The following DNAH2 variants were observed in gnomAD, a reference collection of about 807,000 sequenced individuals.
DNAH2 encodes dynein axonemal heavy chain 2.
In DNAH2, 323 loss-of-function variants were observed where a neutral mutation model predicts 523.5. The ratio of observed to expected loss-of-function variants is 0.62; its 90% CI spans 0.56 to 0.68. The LOEUF is 0.68. Ranked by LOEUF, DNAH2 falls within the 30% of genes least tolerant of loss-of-function variation. The pLI is 0.00. For synonymous variants in DNAH2, 2,093 were observed against 2,177.4 expected, an observed-to-expected ratio of 0.96 and a Z score of 1.08; for missense variants, 4,907 against 5,701.5, an observed-to-expected ratio of 0.86 and a Z score of 4.49.
intron 21 of DNAH2, 70 bp from the exon 22 acceptor site, chr17:7,766,248 G>A: frequency 6.5e-7 from 1 of 1,546,398 alleles, no homozygotes; most frequent in Non-Finnish European, 8.8e-7. Context: ...CCCACAAAGA[G>A]ATAGGAGAGC....
chr17:7,809,786 C>T (rs2077460634), intron 63 of DNAH2, among the ~76,000 whole-genome samples: 1 of 151,482 alleles, frequency 6.6e-6, no homozygotes, highest in Non-Finnish European at 1.5e-5. Context: ...AGGGAACAAA[C>T]ATTTCTCCTT....
At position 7,824,246 on chromosome 17, in the gene DNAH2, C is replaced by A; in HGVS notation, c.11604C>A (p.Ser3868=). 1 of 1,590,816 alleles carries A rather than the reference C, an allele frequency of 6.3e-7. No individual in the cohort carries two copies. Among genetic ancestry groups the A allele is most frequent in the South Asian group, 1.1e-5 (1 of 88,802 alleles). ...MGMAQRFHAL[S]LGQGQAPIAA... The stretch of plus-strand genomic sequence containing the variant: ...TGGCCCAGCGCTTCCACGCCCTGTC[C>A]CTGGGCCAGGGCCAGGCCCCCATCG... The change falls in exon 76 of 86, where the codon TCC becomes TCA. Residue 3868 remains serine, a synonymous_variant. Transcript: ENST00000572933.
chr17:7,732,839 G>A (rs1328403319), intron 4 of DNAH2, among the ~76,000 whole-genome samples: 2 of 152,128 alleles, frequency 1.3e-5, no homozygotes, highest in Non-Finnish European at 2.9e-5. Flanking sequence ...CAGTGTACTA[G>A]GTTCTGGAGC....
rs1395818384 is a variant in DNAH2 at position 7,823,339 on chromosome 17, G to A, written c.11143-103G>A. The stretch of plus-strand genomic sequence containing the variant: ...CATTTGGTTTTCCCACCGAGAGAGA[G>A]AAAAATACAGAGAGAGAGAGAGAGA... On this transcript the variant is annotated intron_variant, in intron 73 of 85. Coordinates refer to ENST00000572933, the MANE Select transcript of DNAH2 (RefSeq NM_020877.5). 10 of 1,083,620 alleles carry A rather than the reference G, an allele frequency of 9.2e-6. No homozygotes were observed. In the South Asian group the frequency reaches 1.0e-4, roughly 11 times the overall value. The allele number at this position is 1,083,620 out of a possible 1,614,324, so 67.1% of individuals were successfully genotyped here. A position where few individuals can be genotyped will look rare whatever the true frequency, so the allele number is the denominator to read the frequency against.
chr17:7,737,902 G>T (rs954661049), intron 8 of DNAH2: 13 of 693,412 alleles, frequency 1.9e-5, no homozygotes, highest in Non-Finnish European at 3.4e-5. Flanking sequence ...GCAGGGGGAT[G>T]CAGAGAAGGA....
chr17:7,723,128 T>C (rs1442885350), intron 2 of DNAH2, among the ~76,000 whole-genome samples: 3 of 148,898 alleles, frequency 2.0e-5, no homozygotes. Context: ...CACCAGCACA[T>C]CTGGCTAATT....
chr17:7,738,362 G>A (rs2075203242), intron 8 of DNAH2, among the ~76,000 whole-genome samples: 1 of 151,578 alleles, frequency 6.6e-6, no homozygotes, highest in Admixed American at 6.6e-5. Flanking sequence ...CAGAGTCTTG[G>A]TCTGCCACCC....
At chr17:7,732,465 A>T (rs1325528541) in intron 4 of DNAH2, among the ~76,000 whole-genome samples, 1 of 151,528 alleles carries the variant, frequency 6.6e-6, no homozygotes, top group Non-Finnish European at 1.5e-5. Context: ...AAAATTGCCA[A>T]GACTAGTCAA....
rs193197616 is a variant in DNAH2, at chr17:7,799,523, C to G, written c.8699+281C>G. Among the ~76,000 whole-genome samples, 689 of 152,088 alleles carry G rather than the reference C, an allele frequency of 4.5e-3. 1 individual carries two copies. The highest frequency in any genetic ancestry group is 9.3e-3 in the Admixed American group (142 of 15,270). ...TTGTAAATCTAATTGTGGTTAAAAACACACACACACAGGCCGGGCATAGTG... is the reference window on the plus strand; with the variant it reads ...TTGTAAATCTAATTGTGGTTAAAAAGACACACACACAGGCCGGGCATAGTG... On this transcript the variant is annotated intron_variant, in intron 56 of 85. Transcript: ENST00000572933.
At chr17:7,819,597 G>A (rs1186859509) in intron 72 of DNAH2, among the ~76,000 whole-genome samples, 189 bp downstream of exon 72, 1 of 152,220 alleles carries the variant, frequency 6.6e-6, no homozygotes, top group Non-Finnish European at 1.5e-5. Flanking sequence ...CCTGTCTTGT[G>A]TCTGTAGCCC....
At chr17:7,799,011 G>T (rs1567719656) in intron 55 of DNAH2, 92 bp from the exon 56 acceptor site, 2 of 1,524,870 alleles carry the variant, frequency 1.3e-6, no homozygotes, top group East Asian at 4.7e-5. Flanking sequence ...GTCCAGCCTG[G>T]GAAACACTTC....
intron 12 of DNAH2, among the ~76,000 whole-genome samples, chr17:7,751,695 G>A (rs2075687576): frequency 6.6e-6 from 1 of 152,028 alleles, no homozygotes; most frequent in Admixed American, 6.6e-5. Flanking sequence ...CTATTCATGT[G>A]CAGGAACCAA....
At chr17:7,792,184 G>A (rs1004430084) in intron 45 of DNAH2, 68 bp from the exon 46 acceptor site, 95 of 1,602,018 alleles carry the variant, frequency 5.9e-5, no homozygotes, top group Admixed American at 1.2e-4. Context: ...GGTGGTCTGG[G>A]GCCCGTTCTC....
At position 7,819,004 on chromosome 17, in the gene DNAH2, G is replaced by A. The variant is rs757925973; in HGVS notation, c.10756G>A (p.Val3586Met). Residue 3586 changes from valine to methionine, a missense_variant, in exon 71 of 86, where the codon GTG (valine) becomes ATG (methionine). By Grantham distance (21) the Val-to-Met change is conservative. This residue lies in a region of DNAH2 where 1,851 missense variants were observed against 2,139.4 expected (regional missense o/e 0.87). Transcript: ENST00000572933. ...LHTSKITATEVTEQLETSETT... is the reference protein window; with the variant it reads ...LHTSKITATEMTEQLETSETT... ...TACCTCCAAGATCACAGCCACAGAG[G>A]TGACTGAGCAGCTGGAGACCAGTGA... The A allele has an allele frequency of 2.5e-6, 4 of 1,610,808 alleles. No homozygotes were observed. The highest frequency in any genetic ancestry group is 3.4e-6 in the Non-Finnish European group (4 of 1,179,954).
intron 63 of DNAH2, among the ~76,000 whole-genome samples, chr17:7,811,596 T>C (rs1389712238): frequency 2.0e-5 from 3 of 152,222 alleles, no homozygotes; most frequent in Non-Finnish European, 4.4e-5. Flanking sequence ...GTACATTCAA[T>C]GTCTGGTAGG....
At position 7,797,863 on chromosome 17, in the gene DNAH2, C is replaced by G. The variant is rs1324468961; in HGVS notation, c.8230+34C>G. 3 of 1,583,796 alleles carry G rather than the reference C, an allele frequency of 1.9e-6. No homozygotes were observed. The East Asian group carries it at 6.7e-5, about 35-fold the overall frequency. On this transcript the variant is annotated intron_variant, in intron 53 of 85. Coordinates refer to ENST00000572933, the MANE Select transcript of DNAH2 (RefSeq NM_020877.5). ...CTGCCACGCCTATCCCCTTCCCCAT[C>G]ATCTCAGTGATGGGGTATGTCTAAG...
chr17:7,817,420 G>T lies in DNAH2; in HGVS notation c.10020+5G>T. ...AACCAAATCTGGATCGGGAAGGTGA[G>T]ATGGGACTCAGGCATGACAAGTAGG... On this transcript the variant is annotated splice_donor_5th_base_variant and intron_variant, in intron 65 of 85. Coordinates refer to ENST00000572933, the MANE Select transcript of DNAH2 (RefSeq NM_020877.5). 1 of 1,613,980 alleles carries T rather than the reference G, an allele frequency of 6.2e-7. No individual in the cohort carries two copies. The highest frequency in any genetic ancestry group is 8.5e-7 in the Non-Finnish European group (1 of 1,180,016).
intron 63 of DNAH2, among the ~76,000 whole-genome samples, chr17:7,812,867 C>T (rs976072285): frequency 6.1e-5 from 9 of 147,874 alleles, no homozygotes; most frequent in South Asian, 2.1e-4. Flanking sequence ...CACTTGAACC[C>T]GGGAGGCGGG....
In DNAH2 at chr17:7,740,071, G is replaced by GT. The variant is rs569172351; in HGVS notation, c.1376+133_1376+134insT. On this transcript the variant is annotated intron_variant, in intron 9 of 85. Transcript: ENST00000572933. The stretch of plus-strand genomic sequence containing the variant: ...TCGGGATCAGGGCGGTGGCCCGGGG[G>GT]GGGGGACAGGAGAGAGTGCAGGGGA... 59 of 694,380 alleles carry GT rather than the reference G, an allele frequency of 8.5e-5. 3 individuals are homozygous for GT. Among genetic ancestry groups the GT allele is most frequent in the East Asian group, 4.6e-4 (9 of 19,712 alleles). The allele number at this position is 694,380 out of a possible 1,614,324, so 43.0% of individuals were successfully genotyped here.
Sources: allele counts gnomAD v4.1 joint callset (sites outside exome capture counted in the v4.1 genomes callset), GRCh38; gene constraint gnomAD v4.1.1; regional missense constraint gnomAD v4.1.1; transcripts MANE v1.5; gene names NCBI Gene and HGNC (gene_info 2026-07-23, HGNC 2026-07-21).